ANKS1B: variants seen among roughly 807,000 people sequenced by gnomAD.
ANKS1B encodes ankyrin repeat and sterile alpha motif domain-containing protein 1B.
A neutral mutation model predicts 148.3 loss-of-function variants in ANKS1B; 36 were observed. That is an observed-to-expected ratio of 0.24 (90% CI 0.19 to 0.32). ANKS1B has a LOEUF of 0.32. ANKS1B is among the 10% of genes least tolerant of loss of function. ANKS1B has a pLI of 1.00. For missense variants in ANKS1B, 1,157 were observed against 1,542.6 expected, an observed-to-expected ratio of 0.75 and a Z score of 4.19; for synonymous variants, 542 against 560.8, an observed-to-expected ratio of 0.97 and a Z score of 0.47.
intron 17 of ANKS1B, among the ~76,000 whole-genome samples, chr12:98,935,152 CTTTCTG>C (rs1275905279): frequency 6.6e-6 from 1 of 152,034 alleles, no homozygotes; most frequent in African/African-American, 2.4e-5. Context: ...GAAGTAATTT[CTTTCTG>C]TTTCTAGTTT....
intron 15 of ANKS1B, among the ~76,000 whole-genome samples, chr12:99,129,457 C>T (rs528213461): frequency 3.3e-4 from 51 of 152,320 alleles, no homozygotes; most frequent in African/African-American, 8.4e-4. Flanking sequence ...AAGACTAGAT[C>T]AGCAGCAAGA....
At chr12:99,805,280 A>AAAAAAAAAG (rs2067484048) in intron 4 of ANKS1B, among the ~76,000 whole-genome samples, 1 of 148,062 alleles carries the variant, frequency 6.8e-6, no homozygotes, top group South Asian at 2.1e-4. Context: ...AAAAAAAAAA[A>AAAAAAAAAG]AAAAAAAAGA....
intron 14 of ANKS1B, among the ~76,000 whole-genome samples, chr12:99,240,191 T>A (rs549135412): frequency 6.6e-6 from 1 of 151,978 alleles, no homozygotes; most frequent in African/African-American, 2.4e-5. Context: ...GAGACACACA[T>A]AGGCTCAAAA....
At chr12:99,446,520 G>T (rs1214738514) in intron 10 of ANKS1B, among the ~76,000 whole-genome samples, 1 of 151,932 alleles carries the variant, frequency 6.6e-6, no homozygotes, top group Non-Finnish European at 1.5e-5. Flanking sequence ...ATTTTACAGA[G>T]AAACTCATCT....
intron 26 of ANKS1B, among the ~76,000 whole-genome samples, chr12:98,747,074 C>T (rs1338833754): frequency 1.3e-5 from 2 of 152,140 alleles, no homozygotes; most frequent in African/African-American, 4.8e-5. Flanking sequence ...AATGGAATTA[C>T]ATCAAGTGAA....
chr12:98,986,862 T>C (rs934203083), intron 17 of ANKS1B, among the ~76,000 whole-genome samples: 3 of 152,058 alleles, frequency 2.0e-5, no homozygotes, highest in Non-Finnish European at 4.4e-5. Flanking sequence ...CAAGTGATCC[T>C]CCTGCCTTGG....
chr12:99,186,450 C>T (rs1214681471), intron 14 of ANKS1B, among the ~76,000 whole-genome samples: 4 of 152,154 alleles, frequency 2.6e-5, no homozygotes, highest in Non-Finnish European at 1.5e-5. Flanking sequence ...CTGAGAGATA[C>T]CTCCCAGCAG....
At chr12:99,390,002 T>C (rs2094002907) in intron 12 of ANKS1B, among the ~76,000 whole-genome samples, 1 of 152,130 alleles carries the variant, frequency 6.6e-6, no homozygotes, top group Non-Finnish European at 1.5e-5. Context: ...TTCCAAGCAA[T>C]TTTGTGAATT....
At chr12:99,890,670 A>G (rs2093056632) in intron 1 of ANKS1B, among the ~76,000 whole-genome samples, 1 of 148,786 alleles carries the variant, frequency 6.7e-6, no homozygotes, top group African/African-American at 2.5e-5. Context: ...GCTAGATACC[A>G]TTATTTAAAC....
chr12:99,567,546 C>T (rs967078228), intron 9 of ANKS1B, among the ~76,000 whole-genome samples: 1 of 151,990 alleles, frequency 6.6e-6, no homozygotes, highest in Non-Finnish European at 1.5e-5. Context: ...TGGTGCTGAA[C>T]AACCTTGGTT....
chr12:98,808,306 C>T (rs1291749197), intron 19 of ANKS1B, among the ~76,000 whole-genome samples: 2 of 152,152 alleles, frequency 1.3e-5, no homozygotes, highest in East Asian at 3.8e-4. Context: ...TAACACAGGT[C>T]CGATATTTTT....
At chr12:99,466,948 A>C (rs376287805) in intron 10 of ANKS1B, among the ~76,000 whole-genome samples, 212 of 152,246 alleles carry the variant, frequency 1.4e-3, no homozygotes, top group African/African-American at 5.0e-3. Flanking sequence ...ATGAGGCCAG[A>C]ATCATCCTGA....
At chr12:99,846,272 T>C (rs1409799255) in intron 1 of ANKS1B, among the ~76,000 whole-genome samples, 1 of 152,098 alleles carries the variant, frequency 6.6e-6, no homozygotes, top group Non-Finnish European at 1.5e-5. Context: ...TCCTATTCTT[T>C]TCCCTCCTCT....
At chr12:99,454,105 TCAGCTTGG>T (rs2095805574) in intron 10 of ANKS1B, among the ~76,000 whole-genome samples, 2 of 152,180 alleles carry the variant, frequency 1.3e-5, no homozygotes, top group Non-Finnish European at 2.9e-5. Context: ...TATAAATAGT[TCAGCTTGG>T]CTGAAGCACA....
intron 15 of ANKS1B, among the ~76,000 whole-genome samples, chr12:99,129,473 T>C (rs943901641): frequency 6.6e-6 from 1 of 152,148 alleles, no homozygotes; most frequent in Non-Finnish European, 1.5e-5. Context: ...CAAGAGTTAT[T>C]TGAGGTGCAG....
At chr12:99,341,909 A>G (rs150370098) in intron 12 of ANKS1B, among the ~76,000 whole-genome samples, 27 of 152,288 alleles carry the variant, frequency 1.8e-4, no homozygotes, top group Non-Finnish European at 8.8e-5. Flanking sequence ...TTACTTCATT[A>G]CATGACTTCT....
chr12:98,928,869 C>T (rs2099811274), intron 17 of ANKS1B, among the ~76,000 whole-genome samples: 1 of 151,976 alleles, frequency 6.6e-6, no homozygotes, highest in Admixed American at 6.6e-5. Context: ...AGATGTTTTT[C>T]CCTTTCCCAA....
chr12:99,417,661 G>C (rs1594396646), intron 11 of ANKS1B, among the ~76,000 whole-genome samples: 1 of 152,178 alleles, frequency 6.6e-6, no homozygotes, highest in South Asian at 2.1e-4. Flanking sequence ...GCTACACTGA[G>C]TCTTCTAATC....
At chr12:99,224,449 T>C (rs568746192) in intron 14 of ANKS1B, among the ~76,000 whole-genome samples, 9 of 152,226 alleles carry the variant, frequency 5.9e-5, no homozygotes, top group East Asian at 1.9e-4. Context: ...GTTCTTACGA[T>C]AGTGAGTGAG....
Sources: allele counts gnomAD v4.1 joint callset (sites outside exome capture counted in the v4.1 genomes callset), GRCh38; gene constraint gnomAD v4.1.1; transcripts MANE v1.5; gene names NCBI Gene and HGNC (gene_info 2026-07-23, HGNC 2026-07-21).